Variants in ZDHHC9 observed in about 807,000 individuals in gnomAD.
ZDHHC9 encodes palmitoyltransferase ZDHHC9.
In ZDHHC9, 3 loss-of-function variants were observed where a neutral mutation model predicts 26.6. The ratio of observed to expected loss-of-function variants is 0.11; its 90% CI spans 0.05 to 0.29. ZDHHC9 has a LOEUF of 0.29. ZDHHC9 is among the 10% of genes least tolerant of loss of function. The probability of loss-of-function intolerance (pLI) is 1.00; values close to 1 mark genes in which losing one functional copy is unlikely to be tolerated. For missense variants in ZDHHC9, 146 were observed against 296.4 expected, an observed-to-expected ratio of 0.49 and a Z score of 3.73; for synonymous variants, 111 against 109.4, an observed-to-expected ratio of 1.01 and a Z score of -0.09.
At chrX:129,837,251 G>C (rs1928281923) in intron 3 of ZDHHC9, among the ~76,000 whole-genome samples, 1 of 112,147 alleles carries the variant, frequency 8.9e-6, no homozygotes, top group African/African-American at 3.2e-5. Flanking sequence ...AGGCATGGTA[G>C]AGAGCACTGT....
At chrX:129,818,380 T>G (rs1461125333) in intron 5 of ZDHHC9, among the ~76,000 whole-genome samples, 1 of 111,512 alleles carries the variant, frequency 9.0e-6, no homozygotes, top group Non-Finnish European at 1.9e-5. Flanking sequence ...CACCCAGGAG[T>G]GGAATTGCTG....
intron 10 of ZDHHC9, among the ~76,000 whole-genome samples, chrX:129,807,448 G>A (rs1347891286): frequency 1.4e-4 from 11 of 80,748 alleles, no homozygotes; most frequent in African/African-American, 1.1e-4. Flanking sequence ...GCGAGACTCC[G>A]TCTCAGAAAA....
At position 129,806,306 on chromosome X, in the gene ZDHHC9, C is replaced by G; in HGVS notation, c.*64G>C. 9.9e-7 allele frequency: 1 copy of G among 1,006,809 alleles called. No individual in the cohort carries two copies. Among genetic ancestry groups the G allele is most frequent in the South Asian group, 1.9e-5 (1 of 52,858 alleles). 83.0% of individuals were successfully genotyped at this position (1,006,809 alleles called of 1,213,427 possible). The stretch of plus-strand genomic sequence containing the variant: ...TACTTGCTCTCTGTCTCAGGTTTAA[C>G]TTCTCACCTGAAATCTCTCATAGCC... On this transcript the variant is annotated 3_prime_UTR_variant, in exon 11 of 11. Transcript: ENST00000357166.
In ZDHHC9 at chrX:129,803,669, T is replaced by A. The variant is rs778746167; in HGVS notation, c.*2701A>T. 6 of 111,200 alleles carry A rather than the reference T, an allele frequency of 5.4e-5. No homozygotes were observed. Among genetic ancestry groups the A allele is most frequent in the Non-Finnish European group, 1.1e-4 (6 of 52,985 alleles). The allele number at this position is 111,200 out of a possible 1,213,427, so 9.2% of individuals were successfully genotyped here. ...CAAAGGAGGAGATGATGATCTCAGC[T>A]AGGGCCAGGAAGGCCTCAGAGCTGA... On this transcript the variant is annotated 3_prime_UTR_variant, in exon 11 of 11. Transcript: ENST00000357166.
At chrX:129,810,222 G>A (rs745337527) in intron 10 of ZDHHC9, among the ~76,000 whole-genome samples, 1 of 106,095 alleles carries the variant, frequency 9.4e-6, no homozygotes, top group East Asian at 3.0e-4. Context: ...GGTGGCGGGC[G>A]CCTGTAATCC....
chrX:129,829,842 T>C (rs1928102648), intron 3 of ZDHHC9, among the ~76,000 whole-genome samples: 1 of 111,794 alleles, frequency 8.9e-6, no homozygotes, highest in African/African-American at 3.3e-5. Context: ...GCTATTTCTC[T>C]TCCTCTCTGA....
At chrX:129,833,723 C>T (rs144399373) in intron 3 of ZDHHC9, among the ~76,000 whole-genome samples, 1,664 of 111,455 alleles carry the variant, frequency 0.015, 30 homozygotes, top group African/African-American at 0.052. Context: ...ATAAGATGAC[C>T]GATAATCAAG....
At chrX:129,807,389 T>G (rs1478568126) in intron 10 of ZDHHC9, among the ~76,000 whole-genome samples, 3 of 96,770 alleles carry the variant, frequency 3.1e-5, no homozygotes, top group Middle Eastern at 5.7e-3. Context: ...GAGCTTGCAG[T>G]GAGCCGAGAT....
chrX:129,829,256 G>A, intron 3 of ZDHHC9, 115 bp from the exon 4 acceptor site: 1 of 864,297 alleles, frequency 1.2e-6, no homozygotes, highest in Non-Finnish European at 1.7e-6. Context: ...TCAAGGGCAG[G>A]GACCATGTTT....
rs1378439805 is a variant in ZDHHC9 at position 129,805,602 on chromosome X, G to C, written c.*768C>G. ...ATGAGAAAGGAGGAGAGATGAGACA[G>C]AGAGTGTGAAGGGCTATGCCGCTGG... On this transcript the variant is annotated 3_prime_UTR_variant, in exon 11 of 11. Transcript: ENST00000357166. 8.9e-6 allele frequency: 1 copy of C among 112,266 alleles called. No homozygotes were observed. Among genetic ancestry groups the C allele is most frequent in the Non-Finnish European group, 1.9e-5 (1 of 53,185 alleles). The allele number at this position is 112,266 out of a possible 1,213,427, so 9.3% of individuals were successfully genotyped here.
intron 3 of ZDHHC9, among the ~76,000 whole-genome samples, chrX:129,831,815 A>C (rs1477818690): frequency 9.0e-6 from 1 of 111,401 alleles, no homozygotes; most frequent in Non-Finnish European, 1.9e-5. Context: ...CACTAAGACT[A>C]TTGTGAACTA....
rs1354331847 is a variant in ZDHHC9 at position 129,806,431 on chromosome X, T to G, written c.1034A>C (p.Glu345Ala). 4.1e-6 allele frequency: 5 copies of G among 1,211,808 alleles called. No individual in the cohort carries two copies. In the East Asian group the frequency reaches 1.2e-4, roughly 29 times the overall value. The change falls in exon 11 of 11, where the codon GAA (glutamate) becomes GCA (alanine). Residue 345 changes from glutamate (E) to alanine (A), a missense_variant. Glu to Ala is a moderately radical substitution (Grantham distance 107). Around this residue, in one of 2 missense-constraint regions of ZDHHC9, gnomAD observed 46 missense variants for 46.4 expected, o/e 0.99. Coordinates refer to ENST00000357166, the MANE Select transcript of ZDHHC9 (RefSeq NM_016032.4). Reference protein sequence around the residue: ...NEMPEDSSTPEEMPPPEPPEP... With the variant: ...NEMPEDSSTPAEMPPPEPPEP... ...TGGGGGCTCTGGAGGTGGCATCTCT[T>G]CGGGAGTGCTGCTGTCCTCCGGCAT... is the stretch of plus-strand genomic sequence containing the variant.
chrX:129,811,149 C>G, intron 9 of ZDHHC9, 148 bp from the exon 10 acceptor site: 1 of 526,750 alleles, frequency 1.9e-6, no homozygotes, highest in Non-Finnish European at 3.3e-6. Context: ...ATCTCCCATT[C>G]ACTTTTTCTT....
chrX:129,834,545 T>G (rs1009540237), intron 3 of ZDHHC9, among the ~76,000 whole-genome samples: 3 of 112,161 alleles, frequency 2.7e-5, no homozygotes, highest in African/African-American at 9.7e-5. Context: ...AGGGACACTT[T>G]CAATTCTGAA....
intron 3 of ZDHHC9, among the ~76,000 whole-genome samples, chrX:129,834,001 A>G (rs774432285): frequency 1.8e-5 from 2 of 112,470 alleles, no homozygotes; most frequent in South Asian, 3.7e-4. Context: ...TGCAAAATTC[A>G]TATGTTGAAA....
chrX:129,819,683 G>GA (rs1166030258), intron 5 of ZDHHC9, among the ~76,000 whole-genome samples: 2 of 109,133 alleles, frequency 1.8e-5, no homozygotes, highest in Non-Finnish European at 3.8e-5. Flanking sequence ...TCTAATGTAC[G>GA]AATGTCCTAT....
Position 129,806,274 on chromosome X carries a change from G to A in ZDHHC9, c.*96C>T, listed in dbSNP as rs141320682. On this transcript the variant is annotated 3_prime_UTR_variant, in exon 11 of 11. Coordinates refer to ENST00000357166, the MANE Select transcript of ZDHHC9 (RefSeq NM_016032.4). ...AGACCAAAGAAAAACAGTTAAAAGG[G>A]ACAGCTTACTTGCTCTCTGTCTCAG... is the stretch of plus-strand genomic sequence containing the variant. The A allele has an allele frequency of 7.6e-4, 584 of 765,227 alleles. 1 individual carries two copies. In the East Asian group the frequency reaches 0.017, roughly 22 times the overall value. 63.1% of individuals were successfully genotyped at this position (765,227 alleles called of 1,213,427 possible).
chrX:129,820,276 C>T (rs1454680781), intron 5 of ZDHHC9, among the ~76,000 whole-genome samples: 1 of 111,097 alleles, frequency 9.0e-6, no homozygotes, highest in East Asian at 2.8e-4. Context: ...TGCTAATTTT[C>T]TAGATTTAAA....
chrX:129,809,920 C>T (rs1259539098), intron 10 of ZDHHC9, among the ~76,000 whole-genome samples: 3 of 95,132 alleles, frequency 3.2e-5, no homozygotes, highest in Non-Finnish European at 6.0e-5. Flanking sequence ...ACCCGGGAGG[C>T]GGAGGTTGCA....
Sources: allele counts gnomAD v4.1 joint callset (sites outside exome capture counted in the v4.1 genomes callset), GRCh38; gene constraint gnomAD v4.1.1; regional missense constraint gnomAD v4.1.1; transcripts MANE v1.5; gene names NCBI Gene and HGNC (gene_info 2026-07-23, HGNC 2026-07-21).